The following CELF2 variants were observed in gnomAD, a reference collection of about 807,000 sequenced individuals.
CELF2 encodes the protein CUG triplet repeat RNA-binding protein 2.
Under a neutral mutation model 62.6 loss-of-function variants are expected in CELF2, and 8 were observed. That is an observed-to-expected ratio of 0.13 (90% CI 0.07 to 0.23). The LOEUF (loss-of-function observed/expected upper bound fraction) is 0.23. CELF2 is among the 10% of genes least tolerant of loss of function. The pLI is 1.00. For synonymous variants in CELF2, 258 were observed against 250.0 expected (o/e 1.03, Z -0.30); for missense variants, 333 against 671.0 (o/e 0.50, Z 5.56).
In CELF2 at chr10:11,319,020, C is replaced by T. The variant is rs761736942; in HGVS notation, c.1097-2169C>T. On this transcript the variant is annotated intron_variant, in intron 10 of 12. Coordinates refer to ENST00000633077, the MANE Select transcript of CELF2 (RefSeq NM_001326342.2). This position sits in a 1 kb window ranked among gnomAD's most constrained non-coding sequence, Gnocchi z 4.4. The stretch of plus-strand genomic sequence containing the variant: ...CGAGCTGCTGTCTTCAGCCCGTCCT[C>T]GTCTGGCAGCAAGGCCCCACATGGC... 8 of 470,984 alleles carry T rather than the reference C, an allele frequency of 1.7e-5. No individual in the cohort carries two copies. Among genetic ancestry groups the T allele is most frequent in the Non-Finnish European group, 3.5e-5 (8 of 227,070 alleles). 29.2% of individuals were successfully genotyped at this position (470,984 alleles called of 1,614,324 possible). A position where few individuals can be genotyped will look rare whatever the true frequency, so the allele number is the denominator to read the frequency against.
intron 1 of CELF2, among the ~76,000 whole-genome samples, chr10:11,130,976 G>A (rs906123793): frequency 1.1e-4 from 16 of 152,348 alleles, no homozygotes; most frequent in Middle Eastern, 3.4e-3. Context: ...GACGCTCATG[G>A]AAACATCCAA....
chr10:11,266,908 C>T (rs2082309142), intron 6 of CELF2, among the ~76,000 whole-genome samples: 1 of 152,138 alleles, frequency 6.6e-6, no homozygotes, highest in Non-Finnish European at 1.5e-5. Flanking sequence ...ACTTGCTCTC[C>T]AGTTATTTAT....
In CELF2 at chr10:10,995,492, G is replaced by A. The variant is rs933911759; in HGVS notation, c.89+75493G>A. Reference sequence around the variant, plus strand: ...TGCATTGGTGGAAAACAGCATGAACGAAAGCACAGACACAAGAGAAATTGT... The same window carrying A: ...TGCATTGGTGGAAAACAGCATGAACAAAAGCACAGACACAAGAGAAATTGT... On this transcript the variant is annotated intron_variant, in intron 2 of 13. Coordinates refer to the CELF2 transcript ENST00000636488. This position sits in a 1 kb window ranked among gnomAD's most constrained non-coding sequence, Gnocchi z 4.7. 8.5e-5 allele frequency among the ~76,000 whole-genome samples: 13 copies of A among 152,200 alleles called. No homozygotes were observed. Among genetic ancestry groups the A allele is most frequent in the African/African-American group, 3.1e-4 (13 of 41,458 alleles).
the CELF2 span, among the ~76,000 whole-genome samples, chr10:10,727,948 A>G: frequency 1.1e-4 from 17 of 152,100 alleles, no homozygotes; most frequent in Non-Finnish European, 2.5e-4. Context: ...ACAAAGATGA[A>G]TAAGATTCTC....
rs1335220451 is a variant in CELF2 at position 11,177,361 on chromosome 10, A to C, written c.271+11679A>C. On this transcript the variant is annotated intron_variant, in intron 2 of 12. Coordinates refer to ENST00000633077, the MANE Select transcript of CELF2 (RefSeq NM_001326342.2). The surrounding 1 kb of genome is among the most constrained non-coding windows in gnomAD (Gnocchi z 4.8). ...GTTGCTTCTTAAATATACTCCTTCAAGTCAGGTTAGCTTACCTTGGGTGTT... is the reference window on the plus strand; with the variant it reads ...GTTGCTTCTTAAATATACTCCTTCACGTCAGGTTAGCTTACCTTGGGTGTT... Among the ~76,000 whole-genome samples the C allele has an allele frequency of 6.6e-6, 1 of 151,918 alleles. No individual in the cohort carries two copies. The highest frequency in any genetic ancestry group is 1.5e-5 in the Non-Finnish European group (1 of 67,992).
chr10:10,598,879 G>A, the CELF2 span, among the ~76,000 whole-genome samples: 33 of 144,406 alleles, frequency 2.3e-4, no homozygotes, highest in African/African-American at 8.2e-4. Flanking sequence ...CAGCCTCCCC[G>A]GTAGCTAGGA....
intron 1 of CELF2, among the ~76,000 whole-genome samples, chr10:10,864,916 A>G (rs1371053423): frequency 1.3e-5 from 2 of 152,198 alleles, no homozygotes; most frequent in African/African-American, 4.8e-5. Context: ...TGAAAAAGAT[A>G]TATATTCACA....
At chr10:11,030,564 G>A (rs539214906) in intron 1 of CELF2, 34 of 152,116 alleles carry the variant, frequency 2.2e-4, no homozygotes, top group Admixed American at 2.2e-3. Flanking sequence ...TGTCTCCAAA[G>A]CCCGAGGTTG....
At chr10:11,249,862 C>A (rs554981473) in intron 4 of CELF2, among the ~76,000 whole-genome samples, 11 of 152,306 alleles carry the variant, frequency 7.2e-5, no homozygotes, top group African/African-American at 2.6e-4. Context: ...TTTCAGCGAA[C>A]CTTCTGTCCC....
chr10:10,721,777 A>C, the CELF2 span, among the ~76,000 whole-genome samples: 2 of 152,172 alleles, frequency 1.3e-5, no homozygotes, highest in South Asian at 4.1e-4. Flanking sequence ...GGTCTATAGA[A>C]CAGCATTTCT....
At chr10:11,055,564 T>C (rs569625145) in intron 1 of CELF2, among the ~76,000 whole-genome samples, 1 of 152,376 alleles carries the variant, frequency 6.6e-6, no homozygotes, top group Non-Finnish European at 1.5e-5. Flanking sequence ...TATGAGTGAC[T>C]GGGATAGATG....
rs2137658414 is a variant in CELF2 at position 11,255,033 on chromosome 10, C to G, written c.404-2705C>G. 6.6e-6 allele frequency among the ~76,000 whole-genome samples: 1 copy of G among 152,298 alleles called. No individual in the cohort carries two copies. Among genetic ancestry groups the G allele is most frequent in the East Asian group, 1.9e-4 (1 of 5,178 alleles). ...CACAGGCGGTGTAGACGGCCTGCAG[C>G]AGGTGGTGTGGACGGCCTGCAGGTA... On this transcript the variant is annotated intron_variant, in intron 4 of 12. Coordinates refer to ENST00000633077, the MANE Select transcript of CELF2 (RefSeq NM_001326342.2). This position sits in a 1 kb window ranked among gnomAD's most constrained non-coding sequence, Gnocchi z 5.5.
At chr10:11,279,068 GAAA>G (rs1039890313) in intron 8 of CELF2, among the ~76,000 whole-genome samples, 15 of 152,184 alleles carry the variant, frequency 9.9e-5, no homozygotes, top group Non-Finnish European at 2.1e-4. Context: ...CTTCATCCTG[GAAA>G]ACATCTCAAG....
the CELF2 span, among the ~76,000 whole-genome samples, chr10:10,734,375 A>G: frequency 6.6e-6 from 1 of 152,182 alleles, no homozygotes; most frequent in Non-Finnish European, 1.5e-5. Flanking sequence ...TCCTTGCTTC[A>G]TATATTTCAT....
rs1189623977 is a variant in CELF2 at position 11,269,886 on chromosome 10, A to G, written c.619-780A>G. 6.6e-6 allele frequency among the ~76,000 whole-genome samples: 1 copy of G among 152,190 alleles called. No individual in the cohort carries two copies. Among genetic ancestry groups the G allele is most frequent in the African/African-American group, 2.4e-5 (1 of 41,428 alleles). ...ATTAAAACTGAAAGAAGCTGCTAGA[A>G]TGGTGAGATTCATTAGGGAAAGAAG... is the stretch of plus-strand genomic sequence containing the variant. On this transcript the variant is annotated intron_variant, in intron 6 of 12. Transcript: ENST00000633077. The surrounding 1 kb of genome is among the most constrained non-coding windows in gnomAD (Gnocchi z 4.4).
chr10:10,939,736 C>T (rs1037434771), intron 2 of CELF2, among the ~76,000 whole-genome samples: 1 of 151,792 alleles, frequency 6.6e-6, no homozygotes. Context: ...GGACGGATCA[C>T]GAGGTCAGGA....
the CELF2 span, among the ~76,000 whole-genome samples, chr10:10,607,381 A>T: frequency 6.6e-6 from 1 of 152,074 alleles, no homozygotes; most frequent in Admixed American, 6.6e-5. Context: ...AGGAATTGTG[A>T]CTCCCATTTG....
the CELF2 span, among the ~76,000 whole-genome samples, chr10:10,720,131 G>T: frequency 1.3e-5 from 2 of 152,204 alleles, no homozygotes; most frequent in Non-Finnish European, 2.9e-5. Context: ...CGTCAGAAGC[G>T]CTGGGGCTCT....
intron 1 of CELF2, among the ~76,000 whole-genome samples, chr10:10,828,000 T>TAAAAAAAAAAAAAAAA (rs66721705): frequency 2.0e-4 from 12 of 60,714 alleles, no homozygotes; most frequent in African/African-American, 3.4e-4. Context: ...AGGCTAGTCT[T>TAAAAAAAAAAAAAAAA]AAAAAAAAAA....
Sources: gnomAD v4.1 joint callset for allele counts (sites outside exome capture counted in the v4.1 genomes callset) on GRCh38, gnomAD v4.1.1 for gene constraint, Gnocchi (gnomAD v3.1) non-coding constraint, MANE v1.5 for transcripts, NCBI Gene and HGNC (gene_info 2026-07-23, HGNC 2026-07-21) for gene names.